CRHBP: variants seen among roughly 807,000 people sequenced by gnomAD.
The protein encoded by CRHBP is corticotropin releasing hormone binding protein, also known as corticotropin-releasing hormone-binding protein.
Under a neutral mutation model 34.9 loss-of-function variants are expected in CRHBP, and 19 were observed. The observed-to-expected ratio is 0.55, with a 90% CI of 0.38 to 0.80. CRHBP has a LOEUF of 0.80. CRHBP is among the 30% of genes least tolerant of loss of function. CRHBP has a pLI of 0.00. For synonymous variants in CRHBP, 154 were observed against 153.4 expected (o/e 1.00, Z -0.03); for missense variants, 328 against 409.2 (o/e 0.80, Z 1.71).
chr5:76,968,644 A>G (rs1329008213), intron 6 of CRHBP, 84 bp from the exon 7 acceptor site: 1 of 1,406,764 alleles, frequency 7.1e-7, no homozygotes, highest in Non-Finnish European at 9.7e-7. Flanking sequence ...TGCTTTCATT[A>G]TGTTTAAGTG....
At position 76,969,030 on chromosome 5, in the gene CRHBP, C is replaced by T; in HGVS notation, c.*145C>T. On this transcript the variant is annotated 3_prime_UTR_variant, in exon 7 of 7. Transcript: ENST00000274368. The stretch of plus-strand genomic sequence containing the variant: ...GCGCACGCGCGCACACACACACACA[C>T]ATACACACACGCATTAATTTTTGTA... 2 of 730,062 alleles carry T rather than the reference C, an allele frequency of 2.7e-6. No homozygotes were observed. The highest frequency in any genetic ancestry group is 4.1e-6 in the Non-Finnish European group (2 of 483,324). The allele number at this position is 730,062 out of a possible 1,614,324, so 45.2% of individuals were successfully genotyped here.
intron 4 of CRHBP, among the ~76,000 whole-genome samples, chr5:76,957,665 T>G (rs1260635437): frequency 6.6e-6 from 1 of 152,126 alleles, no homozygotes; most frequent in Non-Finnish European, 1.5e-5. Context: ...ATTACAGGCG[T>G]GAGCCACCAC....
At chr5:76,976,858 T>A (rs1184061083) in intron 3 of CRHBP, among the ~76,000 whole-genome samples, 1 of 152,234 alleles carries the variant, frequency 6.6e-6, no homozygotes, top group East Asian at 1.9e-4. Flanking sequence ...ATTCAATTAC[T>A]ATTTTTTTTC....
chr5:76,963,048 T>C (rs1745803054), intron 5 of CRHBP, among the ~76,000 whole-genome samples: 1 of 152,176 alleles, frequency 6.6e-6, no homozygotes, highest in South Asian at 2.1e-4. Context: ...ACATCTTATA[T>C]GGAGTTTACA....
chr5:76,963,640 G>T (rs1214494814), intron 6 of CRHBP, among the ~76,000 whole-genome samples, 180 bp downstream of exon 6: 7 of 152,050 alleles, frequency 4.6e-5, no homozygotes, highest in African/African-American at 1.7e-4. Context: ...CAAAATATCC[G>T]ACACTGGGAG....
chr5:76,963,434 A>T lies in CRHBP; in HGVS notation c.785A>T (p.Asp262Val). Residue 262 changes from aspartate to valine, a missense_variant, in exon 6 of 7, where the codon GAT becomes GTT. By Grantham distance (152) the Asp-to-Val change is radical. This residue lies in a region of CRHBP where 144 missense variants were observed against 216.7 expected (regional missense o/e 0.66). Coordinates refer to ENST00000274368, the MANE Select transcript of CRHBP (RefSeq NM_001882.4). ...LDPSKMTPLA[D>V]LCYPFHGPAQ... ...CCTTCCAAGATGACGCCTTTAGCTG[A>T]TCTCTGCTACCCCTTTCATGGCCCG... is the stretch of plus-strand genomic sequence containing the variant. 1.2e-6 allele frequency: 2 copies of T among 1,614,038 alleles called. No homozygotes were observed. Among genetic ancestry groups the T allele is most frequent in the South Asian group, 2.2e-5 (2 of 91,072 alleles).
chr5:76,980,225 A>AGCCT (rs1226332760), intron 3 of CRHBP, among the ~76,000 whole-genome samples: 6 of 134,558 alleles, frequency 4.5e-5, no homozygotes, highest in Non-Finnish European at 7.7e-5. Context: ...ACTGCACTCC[A>AGCCT]GCCTGGGCGA....
chr5:76,969,079 T>A lies in CRHBP; in HGVS notation c.*194T>A. 1.9e-6 allele frequency: 1 copy of A among 523,966 alleles called. No individual in the cohort carries two copies. Among genetic ancestry groups the A allele is most frequent in the Non-Finnish European group, 3.2e-6 (1 of 309,896 alleles). 32.5% of individuals were successfully genotyped at this position (523,966 alleles called of 1,614,324 possible). A position where few individuals can be genotyped will look rare whatever the true frequency, so the allele number is the denominator to read the frequency against. ...TACTTTGCTTCTTTTATGTTTGTAA[T>A]CTGTAAATGAACACATGGCAGAAAA... On this transcript the variant is annotated 3_prime_UTR_variant, in exon 7 of 7. Coordinates refer to ENST00000274368, the MANE Select transcript of CRHBP (RefSeq NM_001882.4).
At chr5:76,953,723 G>C in intron 2 of CRHBP, 29 bp downstream of exon 2, 1 of 1,576,146 alleles carries the variant, frequency 6.3e-7, no homozygotes, top group Non-Finnish European at 8.6e-7. Context: ...GCTCGCGGGC[G>C]CCCGGGACGC....
chr5:76,958,994 C>T (rs542787214), intron 5 of CRHBP, 105 bp downstream of exon 5: 69 of 1,198,816 alleles, frequency 5.8e-5, no homozygotes, highest in South Asian at 1.0e-4. Flanking sequence ...TGGCGTAGTA[C>T]GTTGCTCTGA....
intron 3 of CRHBP, among the ~76,000 whole-genome samples, chr5:76,979,846 G>A (rs1166645299): frequency 2.6e-5 from 4 of 152,194 alleles, no homozygotes; most frequent in Non-Finnish European, 5.9e-5. Flanking sequence ...AGGTATGCCT[G>A]TATATTCTTT....
intron 4 of CRHBP, among the ~76,000 whole-genome samples, chr5:76,956,676 A>T (rs966958834): frequency 6.6e-6 from 1 of 151,920 alleles, no homozygotes; most frequent in Non-Finnish European, 1.5e-5. Flanking sequence ...GTGAGCTGAG[A>T]TCGCGCCACT....
At chr5:76,978,513 CCTGA>C (rs1432981384) in intron 3 of CRHBP, among the ~76,000 whole-genome samples, 29 of 151,066 alleles carry the variant, frequency 1.9e-4, no homozygotes, top group African/African-American at 6.4e-4. Flanking sequence ...GATATTTGAA[CCTGA>C]CTGTTGAGAC....
intron 3 of CRHBP, among the ~76,000 whole-genome samples, chr5:76,980,254 CAAAAAAAAAAAAA>C (rs574362034): frequency 2.4e-5 from 2 of 82,414 alleles, no homozygotes; most frequent in African/African-American, 8.8e-5. Context: ...GACTCCGTCT[CAAAAAAAAAAAAA>C]AAAAAAAAAA....
chr5:76,971,608 G>A (rs1745944998), downstream of CRHBP, among the ~76,000 whole-genome samples: 1 of 152,204 alleles, frequency 6.6e-6, no homozygotes, highest in Non-Finnish European at 1.5e-5. Flanking sequence ...CCTAACGTTT[G>A]AGGGTAGATC....
chr5:76,964,719 C>T (rs2150708284), intron 6 of CRHBP, among the ~76,000 whole-genome samples: 1 of 152,084 alleles, frequency 6.6e-6, no homozygotes, highest in African/African-American at 2.4e-5. Context: ...AGCCAGGCAT[C>T]GTGGTGCACA....
Position 76,953,059 on chromosome 5 carries a change from A to G in CRHBP, c.-76A>G, listed in dbSNP as rs1745593374. The G allele has an allele frequency of 5.5e-6, 8 of 1,454,490 alleles. No individual in the cohort carries two copies. Among genetic ancestry groups the G allele is most frequent in the Non-Finnish European group, 7.7e-6 (8 of 1,036,256 alleles). The allele number at this position is 1,454,490 out of a possible 1,614,324, so 90.1% of individuals were successfully genotyped here. ...GGGACCCTACCAGCTTCTAGCTCTC[A>G]GTCTGCGCGAGGGTGTAGGAAGGAA... On this transcript the variant is annotated 5_prime_UTR_variant, in exon 1 of 7. Coordinates refer to ENST00000274368, the MANE Select transcript of CRHBP (RefSeq NM_001882.4).
At chr5:76,960,128 T>A (rs1366789736) in intron 5 of CRHBP, among the ~76,000 whole-genome samples, 1 of 152,204 alleles carries the variant, frequency 6.6e-6, no homozygotes, top group African/African-American at 2.4e-5. Flanking sequence ...ATAAGTGCTA[T>A]ACAGAAAATG....
chr5:76,975,671 G>T (rs1168634004), intron 2 of CRHBP, among the ~76,000 whole-genome samples: 1 of 150,716 alleles, frequency 6.6e-6, no homozygotes, highest in Non-Finnish European at 1.5e-5. Context: ...GGATGTGGTT[G>T]TGCGTGCCTG....
Sources: gnomAD v4.1 joint callset for allele counts (sites outside exome capture counted in the v4.1 genomes callset) on GRCh38, gnomAD v4.1.1 for gene constraint, gnomAD v4.1.1 regional missense constraint, MANE v1.5 for transcripts, NCBI Gene and HGNC (gene_info 2026-07-23, HGNC 2026-07-21) for gene names.